The following KIAA1217 variants were observed in gnomAD, a reference collection of about 807,000 sequenced individuals.
The protein encoded by KIAA1217 is KIAA1217, also known as sickle tail protein homolog.
In KIAA1217, 88 loss-of-function variants were observed where a neutral mutation model predicts 163.9. The ratio of observed to expected loss-of-function variants is 0.54; its 90% CI spans 0.45 to 0.64. KIAA1217 has a LOEUF of 0.64. Ranked by LOEUF, KIAA1217 falls within the 30% of genes least tolerant of loss-of-function variation. The pLI is 0.00. For missense variants in KIAA1217, 2,372 were observed against 2,475.0 expected, an observed-to-expected ratio of 0.96 and a Z score of 0.88; for synonymous variants, 903 against 923.1, an observed-to-expected ratio of 0.98 and a Z score of 0.39.
intron 2 of KIAA1217, among the ~76,000 whole-genome samples, chr10:24,379,220 G>A (rs917312303): frequency 2.0e-5 from 3 of 152,188 alleles, no homozygotes; most frequent in Admixed American, 1.3e-4. Flanking sequence ...ACGTGAATTT[G>A]TCTAAATCTT....
intron 1 of KIAA1217, among the ~76,000 whole-genome samples, chr10:23,911,892 T>C (rs1312953113): frequency 2.0e-5 from 3 of 152,226 alleles, no homozygotes; most frequent in Admixed American, 6.5e-5. Context: ...TGAGTTGTGA[T>C]AGCACTGATT....
chr10:24,318,767 A>T (rs905268435), intron 2 of KIAA1217, among the ~76,000 whole-genome samples: 10 of 152,222 alleles, frequency 6.6e-5, no homozygotes, highest in African/African-American at 2.4e-4. Context: ...CAACCTCTGA[A>T]AACCTCATGT....
intron 1 of KIAA1217, among the ~76,000 whole-genome samples, chr10:23,893,956 C>T (rs893967074): frequency 8.9e-4 from 136 of 152,112 alleles, no homozygotes; most frequent in African/African-American, 2.9e-3. Context: ...ATGCTAAAAA[C>T]TCTCAATAAA....
At position 24,155,303 on chromosome 10, in the gene KIAA1217, G is replaced by T. The variant is rs7901748; in HGVS notation, c.-170-64323G>T. 6.5e-3 allele frequency among the ~76,000 whole-genome samples: 995 copies of T among 152,234 alleles called. 10 individuals carry two copies. The highest frequency in any genetic ancestry group is 0.023 in the African/African-American group (959 of 41,528). On this transcript the variant is annotated intron_variant, in intron 2 of 18. Coordinates refer to the KIAA1217 transcript ENST00000376462. ...GGGGTTATCTGAAACTCTCTGAGTT[G>T]GGCAACTTGGATAGATCCACAGAAC...
intron 1 of KIAA1217, among the ~76,000 whole-genome samples, chr10:23,824,650 ATAAAAAAAAT>A (rs1458004623): frequency 1.7e-3 from 103 of 60,130 alleles, no homozygotes; most frequent in African/African-American, 6.8e-3. Flanking sequence ...AAAAAAAAAA[ATAAAAAAAAT>A]ATATATATAT....
chr10:23,993,575 A>ATTTTT (rs1846325591), intron 1 of KIAA1217, among the ~76,000 whole-genome samples: 1 of 11,032 alleles, frequency 9.1e-5, no homozygotes, highest in African/African-American at 8.6e-4. Flanking sequence ...TTTTTTTTTG[A>ATTTTT]GACAGAGTCT....
intron 6 of KIAA1217, among the ~76,000 whole-genome samples, chr10:24,474,787 A>G (rs1256559814): frequency 6.6e-6 from 1 of 152,252 alleles, no homozygotes; most frequent in East Asian, 1.9e-4. Context: ...TAATTTTGAT[A>G]AAGGGAATTT....
chr10:24,326,833 A>C (rs1360310178), intron 2 of KIAA1217, among the ~76,000 whole-genome samples: 9 of 152,156 alleles, frequency 5.9e-5, no homozygotes. Flanking sequence ...GTACAACTGG[A>C]AATAGGATGG....
At chr10:24,429,246 G>A (rs1433776489) in intron 3 of KIAA1217, among the ~76,000 whole-genome samples, 1 of 152,074 alleles carries the variant, frequency 6.6e-6, no homozygotes, top group Non-Finnish European at 1.5e-5. Context: ...ACCTGTTCTG[G>A]GGGCTTTTAG....
At chr10:24,250,110 G>A (rs3814686) in intron 2 of KIAA1217, among the ~76,000 whole-genome samples, 109,959 of 152,010 alleles carry the variant, frequency 0.72, 40,000 homozygotes, top group Admixed American at 0.8. Context: ...GGAGGGAGAG[G>A]TGTAACTCAC....
At chr10:23,855,072 T>G (rs568784481) in intron 1 of KIAA1217, among the ~76,000 whole-genome samples, 7 of 152,302 alleles carry the variant, frequency 4.6e-5, no homozygotes, top group African/African-American at 1.4e-4. Flanking sequence ...GTTAGCTGGT[T>G]ATTTTGCTCG....
At chr10:24,442,793 C>A (rs1175515012) in intron 5 of KIAA1217, among the ~76,000 whole-genome samples, 1 of 152,124 alleles carries the variant, frequency 6.6e-6, no homozygotes, top group Non-Finnish European at 1.5e-5. Flanking sequence ...CAGCTGGTCA[C>A]CAGAGTTCAT....
chr10:23,711,460 A>G (rs1476472012), intron 1 of KIAA1217, among the ~76,000 whole-genome samples: 1 of 152,162 alleles, frequency 6.6e-6, no homozygotes, highest in Middle Eastern at 3.2e-3. Context: ...AGGAGACAGA[A>G]CAGGCAAGAA....
intron 2 of KIAA1217, among the ~76,000 whole-genome samples, chr10:24,267,975 C>G (rs1300676999): frequency 6.6e-6 from 1 of 152,082 alleles, no homozygotes; most frequent in Non-Finnish European, 1.5e-5. Context: ...TTCTGATGAC[C>G]CTGTAATTGG....
intron 1 of KIAA1217, among the ~76,000 whole-genome samples, chr10:23,968,192 A>G (rs920291612): frequency 3.3e-5 from 5 of 152,176 alleles, no homozygotes; most frequent in Non-Finnish European, 7.4e-5. Context: ...GTGCATATAT[A>G]AATCTAAGAA....
At chr10:23,846,946 G>T (rs193148239) in intron 1 of KIAA1217, among the ~76,000 whole-genome samples, 3 of 152,028 alleles carry the variant, frequency 2.0e-5, no homozygotes, top group African/African-American at 4.8e-5. Flanking sequence ...TAGCATGAAG[G>T]GATGTTGAAT....
At chr10:24,370,689 C>T (rs957434340) in intron 2 of KIAA1217, among the ~76,000 whole-genome samples, 1 of 152,006 alleles carries the variant, frequency 6.6e-6, no homozygotes, top group Non-Finnish European at 1.5e-5. Context: ...TTCAAGGGAT[C>T]CTCCCACCTC....
intron 2 of KIAA1217, among the ~76,000 whole-genome samples, chr10:24,142,429 G>A (rs2064125854): frequency 6.6e-6 from 1 of 151,736 alleles, no homozygotes; most frequent in East Asian, 2.0e-4. Flanking sequence ...GTGTAGATAA[G>A]ATGGTTTCCT....
intron 9 of KIAA1217, among the ~76,000 whole-genome samples, chr10:24,509,094 C>G (rs1054876330): frequency 2.0e-5 from 3 of 152,166 alleles, no homozygotes; most frequent in African/African-American, 4.8e-5. Context: ...GTAGGTATCA[C>G]CTCTTAAGCA....
Sources: gnomAD v4.1 joint callset for allele counts (sites outside exome capture counted in the v4.1 genomes callset) on GRCh38, gnomAD v4.1.1 for gene constraint, MANE v1.5 for transcripts, NCBI Gene and HGNC (gene_info 2026-07-23, HGNC 2026-07-21) for gene names.